ITPR1: variants seen among roughly 807,000 people sequenced by gnomAD.
The protein encoded by ITPR1 is inositol 1,4,5-trisphosphate receptor type 1.
A neutral mutation model predicts 318.4 loss-of-function variants in ITPR1; 96 were observed. The ratio of observed to expected loss-of-function variants is 0.30; its 90% CI spans 0.26 to 0.36. The LOEUF (loss-of-function observed/expected upper bound fraction) is 0.36, where lower values mean the gene tolerates loss of function less well. Among genes scored for constraint, ITPR1 ranks in the 10% least tolerant of loss-of-function variants. The pLI is 1.00. For missense variants in ITPR1, 2,440 were observed against 3,460.2 expected, an observed-to-expected ratio of 0.71 and a Z score of 7.40; for synonymous variants, 1,312 against 1,289.9, an observed-to-expected ratio of 1.02 and a Z score of -0.37.
At chr3:4,585,337 A>C (rs2089786184) in intron 4 of ITPR1, among the ~76,000 whole-genome samples, 1 of 152,216 alleles carries the variant, frequency 6.6e-6, no homozygotes, top group Non-Finnish European at 1.5e-5. Context: ...TCTGTCTCTC[A>C]GTTGGATTTA....
rs778267661 is a variant in ITPR1 at position 4,681,347 on chromosome 3, A to G, written c.3107-17A>G. The stretch of plus-strand genomic sequence containing the variant: ...CAGACCTTCCTGCATCTGAAGTGGT[A>G]TGTTCTAACTTTTCAGGTGCTCTTG... On this transcript the variant is annotated splice_polypyrimidine_tract_variant and intron_variant, in intron 25 of 61. Transcript: ENST00000649015. The G allele has an allele frequency of 2.7e-5, 43 of 1,596,384 alleles. No individual in the cohort carries two copies. The highest frequency in any genetic ancestry group is 3.7e-5 in the Non-Finnish European group (43 of 1,164,178).
chr3:4,624,173 A>G (rs561298920), intron 4 of ITPR1, among the ~76,000 whole-genome samples: 110 of 152,346 alleles, frequency 7.2e-4, no homozygotes, highest in African/African-American at 2.4e-3. Flanking sequence ...GTGTCATCAT[A>G]TGAAGCATGC....
At chr3:4,808,510 T>C (rs2048732191) in intron 55 of ITPR1, among the ~76,000 whole-genome samples, 1 of 152,192 alleles carries the variant, frequency 6.6e-6, no homozygotes, top group Non-Finnish European at 1.5e-5. Flanking sequence ...TCAGTTCACT[T>C]TTAGGAAACG....
In ITPR1 at chr3:4,681,859, A is replaced by G. The variant is rs371167713; in HGVS notation, c.3161+441A>G. 2.8e-3 allele frequency among the ~76,000 whole-genome samples: 431 copies of G among 152,266 alleles called. 3 individuals are homozygous for G. The highest frequency in any genetic ancestry group is 1.0e-2 in the African/African-American group (414 of 41,546). On this transcript the variant is annotated intron_variant, in intron 26 of 61. Coordinates refer to ENST00000649015, the MANE Select transcript of ITPR1 (RefSeq NM_001378452.1). ...CTGAGCTCCTTACAGGCTATGCAAC[A>G]AAGAAAGCAAAATCTGGTCTTTCAT...
In ITPR1 at chr3:4,710,893, C is replaced by G. The variant is rs1191707860; in HGVS notation, c.4991+420C>G. On this transcript the variant is annotated intron_variant, in intron 38 of 61. Transcript: ENST00000649015. The surrounding 1 kb of genome is among the most constrained non-coding windows in gnomAD (Gnocchi z 4.2). ...GCGTAATCTGTAAGCAACAAGCAGA[C>G]CCATGGTTAGAAATCTCCATTAGAT... Among the ~76,000 whole-genome samples the G allele has an allele frequency of 3.9e-5, 6 of 152,156 alleles. No homozygotes were observed.
intron 44 of ITPR1, among the ~76,000 whole-genome samples, chr3:4,754,716 C>T (rs1372045248): frequency 6.6e-6 from 1 of 152,218 alleles, no homozygotes; most frequent in African/African-American, 2.4e-5. Context: ...TAATAAGCCT[C>T]ATATTGGCTT....
chr3:4,519,276 G>C (rs969528154), intron 3 of ITPR1, among the ~76,000 whole-genome samples: 1 of 151,828 alleles, frequency 6.6e-6, no homozygotes, highest in Admixed American at 6.6e-5. Flanking sequence ...CGCCAGGCTG[G>C]AGTGCAGTGG....
intron 49 of ITPR1, 106 bp from the exon 50 acceptor site, chr3:4,782,513 C>T (rs1205223442): frequency 1.6e-6 from 2 of 1,214,850 alleles, no homozygotes; most frequent in Admixed American, 4.7e-5. Flanking sequence ...GAGTGCGGAA[C>T]AGCCTTTTCC....
intron 4 of ITPR1, among the ~76,000 whole-genome samples, chr3:4,567,422 ATTG>A (rs1163069436): frequency 6.6e-6 from 1 of 152,168 alleles, no homozygotes; most frequent in Admixed American, 6.5e-5. Flanking sequence ...GCAACTTTAA[ATTG>A]TTGTAGGAAA....
chr3:4,671,227 C>T (rs971382923), intron 20 of ITPR1, among the ~76,000 whole-genome samples: 8 of 152,154 alleles, frequency 5.3e-5, no homozygotes, highest in African/African-American at 1.9e-4. Context: ...GCTGTGGGGT[C>T]ACATCCCTAC....
intron 49 of ITPR1, among the ~76,000 whole-genome samples, chr3:4,780,302 G>C (rs1269281825): frequency 1.3e-5 from 2 of 152,156 alleles, no homozygotes; most frequent in Non-Finnish European, 2.9e-5. Flanking sequence ...CAGTGCTGAA[G>C]AATTCATGTC....
chr3:4,555,959 C>T (rs1397496339), intron 4 of ITPR1, among the ~76,000 whole-genome samples: 2 of 152,138 alleles, frequency 1.3e-5, no homozygotes, highest in Non-Finnish European at 2.9e-5. Context: ...CACTTCAGCT[C>T]CAGGGTCTGT....
intron 61 of ITPR1, among the ~76,000 whole-genome samples, chr3:4,837,283 G>A (rs2050991934): frequency 1.3e-5 from 2 of 152,100 alleles, no homozygotes; most frequent in African/African-American, 4.8e-5. Flanking sequence ...TATGTACTGT[G>A]GAAGATTAAA....
At chr3:4,808,447 T>A (rs1196688399) in intron 55 of ITPR1, among the ~76,000 whole-genome samples, 1 of 152,200 alleles carries the variant, frequency 6.6e-6, no homozygotes, top group Non-Finnish European at 1.5e-5. Context: ...CTTTCAAGTC[T>A]CCAACCTATC....
chr3:4,797,136 A>G (rs2047952714), intron 53 of ITPR1, among the ~76,000 whole-genome samples: 1 of 151,680 alleles, frequency 6.6e-6, no homozygotes. Context: ...CAGAGCTCCG[A>G]GGAGATTTGA....
Position 4,683,577 on chromosome 3 carries a change from T to C in ITPR1, c.3327+26T>C. ...GTAGCTCAGGTCACCCACGTGTGTG[T>C]TGTCTGTCCAAGAAGCTGTTGTGTG... On this transcript the variant is annotated intron_variant, in intron 27 of 61. Transcript: ENST00000649015. 3 of 1,613,742 alleles carry C rather than the reference T, an allele frequency of 1.9e-6. No homozygotes were observed. The African/African-American group carries it at 4.0e-5, about 22-fold the overall frequency.
chr3:4,538,699 T>C (rs2084109449), intron 4 of ITPR1, among the ~76,000 whole-genome samples: 1 of 152,210 alleles, frequency 6.6e-6, no homozygotes, highest in African/African-American at 2.4e-5. Context: ...ATATACACCA[T>C]GGAATACTAT....
At chr3:4,825,245 C>T (rs574652043) in intron 60 of ITPR1, among the ~76,000 whole-genome samples, 4 of 152,248 alleles carry the variant, frequency 2.6e-5, no homozygotes, top group South Asian at 2.1e-4. Context: ...TGTTCCATTA[C>T]GGGTTAGTTC....
chr3:4,504,329 G>T (rs937609367), intron 2 of ITPR1, among the ~76,000 whole-genome samples: 2 of 152,162 alleles, frequency 1.3e-5, no homozygotes, highest in Admixed American at 1.3e-4. Context: ...AATGAGCAAC[G>T]TTGTATTATA....
Sources: gnomAD v4.1 joint callset for allele counts (sites outside exome capture counted in the v4.1 genomes callset) on GRCh38, gnomAD v4.1.1 for gene constraint, Gnocchi (gnomAD v3.1) non-coding constraint, MANE v1.5 for transcripts, NCBI Gene and HGNC (gene_info 2026-07-23, HGNC 2026-07-21) for gene names.